CDC42SE2: variants seen among roughly 807,000 people sequenced by gnomAD.
The protein encoded by CDC42SE2 is CDC42 small effector protein 2.
CDC42SE2 carries 3 observed loss-of-function variants against 11.5 expected under a neutral mutation model. The ratio of observed to expected loss-of-function variants is 0.26; its 90% CI spans 0.12 to 0.67. CDC42SE2 has a LOEUF of 0.67. Among genes scored for constraint, CDC42SE2 ranks in the 30% least tolerant of loss-of-function variants. CDC42SE2 has a pLI of 0.80. For missense variants in CDC42SE2, 82 were observed against 106.8 expected (o/e 0.77, Z 1.02); for synonymous variants, 33 against 34.8 (o/e 0.95, Z 0.18).
chr5:131,312,710 C>T (rs1002960028), intron 1 of CDC42SE2, among the ~76,000 whole-genome samples: 2 of 152,188 alleles, frequency 1.3e-5, no homozygotes, highest in Non-Finnish European at 2.9e-5. Flanking sequence ...TTTCCAGGTG[C>T]CGTCCGTCAC....
intron 1 of CDC42SE2, among the ~76,000 whole-genome samples, chr5:131,289,881 C>T (rs1269030783): frequency 6.6e-6 from 1 of 151,828 alleles, no homozygotes; most frequent in East Asian, 1.9e-4. Context: ...GCTCTGTCAC[C>T]TAAGCTGTAG....
At chr5:131,336,910 T>G (rs535700883) in intron 2 of CDC42SE2, among the ~76,000 whole-genome samples, 1 of 152,350 alleles carries the variant, frequency 6.6e-6, no homozygotes, top group South Asian at 2.1e-4. Flanking sequence ...TTGCCATTCG[T>G]TCGAACTTCC....
intron 1 of CDC42SE2, among the ~76,000 whole-genome samples, chr5:131,249,883 TAA>T (rs571420844): frequency 6.7e-6 from 1 of 150,216 alleles, no homozygotes; most frequent in Non-Finnish European, 1.5e-5. Flanking sequence ...ATGCTGTCTC[TAA>T]AAAAAAAGAG....
chr5:131,267,528 G>T (rs1756895585), intron 1 of CDC42SE2, among the ~76,000 whole-genome samples: 1 of 152,118 alleles, frequency 6.6e-6, no homozygotes, highest in Admixed American at 6.6e-5. Context: ...TGTGTCTGTT[G>T]GGGAGAGGGT....
intron 1 of CDC42SE2, among the ~76,000 whole-genome samples, chr5:131,287,046 G>A (rs563526098): frequency 1.7e-3 from 260 of 152,208 alleles, no homozygotes; most frequent in African/African-American, 5.7e-3. Flanking sequence ...CCAGGCTGGA[G>A]TGCAGTGGCG....
At chr5:131,332,626 C>G (rs1758446492) in intron 2 of CDC42SE2, among the ~76,000 whole-genome samples, 1 of 152,074 alleles carries the variant, frequency 6.6e-6, no homozygotes, top group Non-Finnish European at 1.5e-5. Flanking sequence ...CTCTCCAGCA[C>G]CTGTTGTTTC....
At chr5:131,338,464 A>T (rs1439394677) in intron 2 of CDC42SE2, among the ~76,000 whole-genome samples, 5 of 152,222 alleles carry the variant, frequency 3.3e-5, no homozygotes, top group Admixed American at 6.5e-5. Flanking sequence ...TTTGAGCAGA[A>T]TGCCTGTCTA....
intron 2 of CDC42SE2, among the ~76,000 whole-genome samples, chr5:131,357,878 C>T (rs1246773861): frequency 6.6e-6 from 1 of 152,228 alleles, no homozygotes; most frequent in African/African-American, 2.4e-5. Context: ...CAGCGCCACA[C>T]TGTGTTTGCT....
chr5:131,220,884 CTTTTTTTT>C, the CDC42SE2 span, among the ~76,000 whole-genome samples: 1 of 129,040 alleles, frequency 7.7e-6, no homozygotes, highest in Admixed American at 7.9e-5. Flanking sequence ...CACCAGAAAC[CTTTTTTTT>C]TTTTTTTTTT....
chr5:131,321,001 TTCTTAGAA>T, intron 2 of CDC42SE2, among the ~76,000 whole-genome samples: 1 of 152,336 alleles, frequency 6.6e-6, no homozygotes, highest in Admixed American at 6.5e-5. Flanking sequence ...TAGGGAAGCC[TTCTTAGAA>T]AACGTGTTTT....
the CDC42SE2 span, among the ~76,000 whole-genome samples, chr5:131,235,404 C>A: frequency 4.0e-5 from 6 of 151,780 alleles, no homozygotes; most frequent in African/African-American, 9.7e-5. Flanking sequence ...ATTCTCCTGC[C>A]TCAGCCTCCC....
chr5:131,235,446 C>T, the CDC42SE2 span, among the ~76,000 whole-genome samples: 1 of 151,610 alleles, frequency 6.6e-6, no homozygotes, highest in Admixed American at 6.6e-5. Context: ...TACACCACCA[C>T]ACCCAGCTAA....
upstream of CDC42SE2, among the ~76,000 whole-genome samples, chr5:131,262,800 G>GT (rs199640020): frequency 8.0e-4 from 122 of 151,844 alleles, 1 homozygote; most frequent in African/African-American, 2.5e-3. Flanking sequence ...AAATTGTTGT[G>GT]TTTTTTTTCC....
At chr5:131,338,048 A>T (rs113651177) in intron 2 of CDC42SE2, among the ~76,000 whole-genome samples, 164 of 152,242 alleles carry the variant, frequency 1.1e-3, no homozygotes, top group African/African-American at 3.5e-3. Flanking sequence ...TGCGTCGCTC[A>T]CGCTGGGAGT....
rs1214374042 is a variant in CDC42SE2 at position 131,359,205 on chromosome 5, C to G, written c.-285-4C>G. 1 of 311,542 alleles carries G rather than the reference C, an allele frequency of 3.2e-6. No individual in the cohort carries two copies. Among genetic ancestry groups the G allele is most frequent in the East Asian group, 5.4e-5 (1 of 18,554 alleles). 19.3% of individuals were successfully genotyped at this position (311,542 alleles called of 1,614,324 possible). On this transcript the variant is annotated splice_region_variant and splice_polypyrimidine_tract_variant and intron_variant, in intron 2 of 4. Transcript: ENST00000505065. ...TTTTTTTACTTTTTCTTTTTTTTCCCTAGACTATCTGTTATAGTCCCTGGG... is the reference window on the plus strand; with the variant it reads ...TTTTTTTACTTTTTCTTTTTTTTCCGTAGACTATCTGTTATAGTCCCTGGG...
intron 2 of CDC42SE2, among the ~76,000 whole-genome samples, chr5:131,337,476 A>G (rs750976210): frequency 6.6e-6 from 1 of 152,018 alleles, no homozygotes; most frequent in Non-Finnish European, 1.5e-5. Context: ...TGCTGGGAAA[A>G]CCACTACTCT....
the CDC42SE2 span, among the ~76,000 whole-genome samples, chr5:131,216,501 C>CAAAAAAAAAAAAAA: frequency 9.3e-4 from 39 of 42,154 alleles, no homozygotes; most frequent in African/African-American, 3.1e-3. Flanking sequence ...GAACCTGTCT[C>CAAAAAAAAAAAAAA]AAAAAAAAAA....
chr5:131,253,584 G>A (rs1414380707), intron 1 of CDC42SE2, among the ~76,000 whole-genome samples: 2 of 152,174 alleles, frequency 1.3e-5, no homozygotes, highest in East Asian at 3.9e-4. Flanking sequence ...GACCAACTTG[G>A]CGAAACCCTA....
intron 1 of CDC42SE2, among the ~76,000 whole-genome samples, chr5:131,275,950 T>C (rs1757091812): frequency 1.3e-5 from 2 of 152,114 alleles, no homozygotes; most frequent in African/African-American, 4.8e-5. Context: ...ACAACTCTAT[T>C]GAGTAGTATT....
Sources: allele counts gnomAD v4.1 joint callset (sites outside exome capture counted in the v4.1 genomes callset), GRCh38; gene constraint gnomAD v4.1.1; transcripts MANE v1.5; gene names NCBI Gene and HGNC (gene_info 2026-07-23, HGNC 2026-07-21).